The following AP2B1 variants were observed in gnomAD, a reference collection of about 807,000 sequenced individuals.
The protein encoded by AP2B1 is adaptor related protein complex 2 subunit beta 1.
A neutral mutation model predicts 102.0 loss-of-function variants in AP2B1; 23 were observed. The ratio of observed to expected loss-of-function variants is 0.23; its 90% confidence interval spans 0.16 to 0.32. The LOEUF (loss-of-function observed/expected upper bound fraction) is 0.32. AP2B1 is among the 10% of genes least tolerant of loss of function. The probability of loss-of-function intolerance (pLI) is 1.00; values close to 1 mark genes in which losing one functional copy is unlikely to be tolerated. For synonymous variants in AP2B1, 381 were observed against 421.2 expected (o/e 0.90, Z 1.17); for missense variants, 541 against 1,157.4 (o/e 0.47, Z 7.73).
intron 1 of AP2B1, among the ~76,000 whole-genome samples, chr17:35,593,471 C>A (rs1429730026): frequency 6.6e-6 from 1 of 151,734 alleles, no homozygotes; most frequent in Non-Finnish European, 1.5e-5. Flanking sequence ...ATGCATAAGT[C>A]ATGGTTGCCT....
At chr17:35,648,128 A>G (rs2074987906) in intron 12 of AP2B1, among the ~76,000 whole-genome samples, 1 of 152,168 alleles carries the variant, frequency 6.6e-6, no homozygotes, top group South Asian at 2.1e-4. Context: ...CTGTTGGAAC[A>G]ACTCGTGCAT....
chr17:35,648,387 G>T (rs115572336), intron 12 of AP2B1, among the ~76,000 whole-genome samples: 1 of 151,964 alleles, frequency 6.6e-6, no homozygotes, highest in South Asian at 2.1e-4. Flanking sequence ...GTGGTGGTGC[G>T]TACCAATAAT....
intron 17 of AP2B1, among the ~76,000 whole-genome samples, chr17:35,681,683 G>A (rs587685909): frequency 6.9e-4 from 105 of 152,074 alleles, no homozygotes; most frequent in Non-Finnish European, 1.1e-3. Context: ...GATTACAGGC[G>A]TGAACCACCA....
chr17:35,611,596 A>G (rs1427840979), intron 5 of AP2B1, among the ~76,000 whole-genome samples: 6 of 152,236 alleles, frequency 3.9e-5, no homozygotes, highest in Admixed American at 3.9e-4. Flanking sequence ...ATTTATTCAA[A>G]GTTTACATTG....
intron 5 of AP2B1, among the ~76,000 whole-genome samples, chr17:35,609,561 A>G (rs1452346455): frequency 2.0e-5 from 3 of 152,022 alleles, no homozygotes; most frequent in African/African-American, 4.8e-5. Flanking sequence ...GTTAGCCAGG[A>G]TGGTCTTGAT....
rs150850512 is a variant in AP2B1, at chr17:35,606,116, A to G, written c.279+276A>G. Among the ~76,000 whole-genome samples the G allele has an allele frequency of 6.4e-3, 973 of 152,286 alleles. 9 individuals are homozygous for G. The highest frequency in any genetic ancestry group is 0.022 in the African/African-American group (926 of 41,556). On this transcript the variant is annotated intron_variant, in intron 4 of 21. Transcript: ENST00000610402. ...CTGACAAAGGTGGGCATATCATTGT[A>G]CTATCAGTAATTGGGGGCTTTACCT...
chr17:35,657,704 T>C lies in AP2B1; in HGVS notation c.1902T>C (p.Leu634=). The C allele has an allele frequency of 6.2e-7, 1 of 1,614,220 alleles. No individual in the cohort carries two copies. The highest frequency in any genetic ancestry group is 8.5e-7 in the Non-Finnish European group (1 of 1,180,040). The change falls in exon 14 of 22, where the codon CTT becomes CTC. Residue 634 remains leucine, a synonymous_variant. Coordinates refer to ENST00000610402, the MANE Select transcript of AP2B1 (RefSeq NM_001030006.2). ...ATCTTCTAGGGGATCTTTTAAACCT[T>C]GACCTCGGTCCCCCAGTCAATGTGC... The part of the protein sequence containing the change: ...QGDLLGDLLN[L]DLGPPVNVPQ...
chr17:35,690,434 T>G (rs720774), intron 18 of AP2B1, among the ~76,000 whole-genome samples: 75,616 of 152,018 alleles, frequency 0.5, 18,861 homozygotes, highest in East Asian at 0.52. Flanking sequence ...GCATTCAGTA[T>G]GCATTAATTC....
chr17:35,624,670 G>A (rs1253509204), intron 6 of AP2B1, 83 bp downstream of exon 6: 20 of 1,359,230 alleles, frequency 1.5e-5, no homozygotes, highest in Admixed American at 2.3e-5. Flanking sequence ...TAAATCTGTT[G>A]AGGAAGGTCA....
chr17:35,605,158 G>A (rs576399952), intron 3 of AP2B1, among the ~76,000 whole-genome samples: 1 of 152,014 alleles, frequency 6.6e-6, no homozygotes, highest in East Asian at 1.9e-4. Context: ...TTACACCCCA[G>A]CCTCCCAAAG....
intron 12 of AP2B1, among the ~76,000 whole-genome samples, chr17:35,646,985 A>G (rs969923512): frequency 9.2e-5 from 14 of 152,188 alleles, no homozygotes; most frequent in African/African-American, 3.4e-4. Context: ...AAGAAAAAGC[A>G]TTTTATTTTG....
At chr17:35,684,564 T>C (rs1194887067) in intron 18 of AP2B1, among the ~76,000 whole-genome samples, 1 of 152,136 alleles carries the variant, frequency 6.6e-6, no homozygotes. Flanking sequence ...AAGGGAATAA[T>C]GATTTAGAGG....
At chr17:35,590,276 G>A (rs1452590400) in intron 1 of AP2B1, among the ~76,000 whole-genome samples, 1 of 152,078 alleles carries the variant, frequency 6.6e-6, no homozygotes, top group Non-Finnish European at 1.5e-5. Context: ...CTCTGGCTAT[G>A]TCCATATCTA....
chr17:35,596,935 G>C, intron 2 of AP2B1: 1 of 696,840 alleles, frequency 1.4e-6, no homozygotes, highest in Non-Finnish European at 2.7e-6. Context: ...CCTATGCCAG[G>C]AGGCCATTGT....
intron 5 of AP2B1, among the ~76,000 whole-genome samples, chr17:35,619,816 A>C (rs1238661984): frequency 6.6e-6 from 1 of 151,984 alleles, no homozygotes. Flanking sequence ...ACAGAGTCTC[A>C]TTCTGTTGTC....
chr17:35,691,670 G>A (rs1269819078), intron 18 of AP2B1, among the ~76,000 whole-genome samples: 1 of 152,190 alleles, frequency 6.6e-6, no homozygotes, highest in Non-Finnish European at 1.5e-5. Context: ...TCCCACGTCA[G>A]ACAGTTGGAT....
intron 3 of AP2B1, among the ~76,000 whole-genome samples, chr17:35,604,457 G>GA (rs373538334): frequency 0.02 from 2,940 of 144,602 alleles, 22 homozygotes; most frequent in Non-Finnish European, 0.032. Context: ...AAAGGTAGTG[G>GA]AAAAAAAAAA....
At chr17:35,644,905 G>T (rs1288750529) in intron 12 of AP2B1, among the ~76,000 whole-genome samples, 1 of 151,918 alleles carries the variant, frequency 6.6e-6, no homozygotes, top group Non-Finnish European at 1.5e-5. Context: ...AGTGGCACAC[G>T]CCTGTAATCC....
At chr17:35,692,091 G>C (rs1037723647) in intron 18 of AP2B1, among the ~76,000 whole-genome samples, 1 of 152,106 alleles carries the variant, frequency 6.6e-6, no homozygotes, top group Non-Finnish European at 1.5e-5. Flanking sequence ...AATAATAACT[G>C]TCTTCTTTGA....
Sources: allele counts gnomAD v4.1 joint callset (sites outside exome capture counted in the v4.1 genomes callset), GRCh38; gene constraint gnomAD v4.1.1; transcripts MANE v1.5; gene names NCBI Gene and HGNC (gene_info 2026-07-23, HGNC 2026-07-21).